Variants in SCIN observed in about 807,000 individuals in gnomAD.
SCIN encodes the protein scinderin, also known as adseverin.
In SCIN, 91 loss-of-function variants were observed where a neutral mutation model predicts 91.8. The observed-to-expected ratio is 0.99, with a 90% confidence interval of 0.84 to 1.18. The LOEUF is 1.18. Ranked by LOEUF, SCIN falls within the 50% of genes most tolerant of loss-of-function variation. The pLI, the probability that SCIN is intolerant of heterozygous loss-of-function variation, is 0.00. For missense variants in SCIN, 1,087 were observed against 863.9 expected, an observed-to-expected ratio of 1.26 and a Z score of -3.24; for synonymous variants, 367 against 312.6, an observed-to-expected ratio of 1.17 and a Z score of -1.84.
Position 12,651,554 on chromosome 7 carries a change from T to C in SCIN, c.1960-287T>C, listed in dbSNP as rs1784079423. ...AAAGTCCACCCAGACAATCTGTTTTTTTTTGTGAAAGATCACTTTACAAAC... is the reference window on the plus strand; with the variant it reads ...AAAGTCCACCCAGACAATCTGTTTTCTTTTGTGAAAGATCACTTTACAAAC... On this transcript the variant is annotated intron_variant, in intron 14 of 15. Transcript: ENST00000297029. This position sits in a 1 kb window ranked among gnomAD's most constrained non-coding sequence, Gnocchi z 5.9. Among the ~76,000 whole-genome samples, 1 of 152,068 alleles carries C rather than the reference T, an allele frequency of 6.6e-6. No homozygotes were observed. Among genetic ancestry groups the C allele is most frequent in the African/African-American group, 2.4e-5 (1 of 41,404 alleles).
At chr7:12,596,590 G>A (rs932868675) in intron 3 of SCIN, among the ~76,000 whole-genome samples, 4 of 152,088 alleles carry the variant, frequency 2.6e-5, no homozygotes, top group Admixed American at 6.5e-5. Flanking sequence ...GTAACAATAC[G>A]CATGAAGAAG....
At chr7:12,597,891 C>T (rs574361888) in intron 3 of SCIN, among the ~76,000 whole-genome samples, 4 of 152,154 alleles carry the variant, frequency 2.6e-5, no homozygotes, top group Non-Finnish European at 5.9e-5. Context: ...ACAATATGTA[C>T]ATCAGCTTTC....
intron 3 of SCIN, among the ~76,000 whole-genome samples, chr7:12,600,477 C>T (rs907382078): frequency 2.6e-5 from 4 of 152,230 alleles, no homozygotes; most frequent in Admixed American, 1.3e-4. Context: ...TAAATGCCAC[C>T]TGCTCCCCAG....
intron 10 of SCIN, among the ~76,000 whole-genome samples, chr7:12,637,438 G>A (rs1470558410): frequency 6.6e-6 from 1 of 152,104 alleles, no homozygotes; most frequent in Non-Finnish European, 1.5e-5. Flanking sequence ...AAGTGGTGGA[G>A]AGGGAGAAAG....
At chr7:12,593,241 GACTGACAGATAGCC>G (rs1386778161) in intron 3 of SCIN, among the ~76,000 whole-genome samples, 13 of 152,292 alleles carry the variant, frequency 8.5e-5, no homozygotes, top group Non-Finnish European at 1.5e-4. Flanking sequence ...ACTATGGCTA[GACTGACAGATAGCC>G]ACTGCTGGAA....
intron 3 of SCIN, among the ~76,000 whole-genome samples, chr7:12,602,105 G>A (rs1770746494): frequency 6.6e-6 from 1 of 152,152 alleles, no homozygotes; most frequent in African/African-American, 2.4e-5. Context: ...TTTTCCATAA[G>A]CATCAGCTGG....
intron 4 of SCIN, 42 bp from the exon 5 acceptor site, chr7:12,622,759 G>T: frequency 7.6e-7 from 1 of 1,313,856 alleles, no homozygotes; most frequent in South Asian, 1.2e-5. Flanking sequence ...ATCCTTCAAT[G>T]GGAGATCTTT....
At chr7:12,645,230 A>C (rs542236498) in intron 13 of SCIN, among the ~76,000 whole-genome samples, 2 of 151,774 alleles carry the variant, frequency 1.3e-5, no homozygotes, top group Admixed American at 1.3e-4. Flanking sequence ...GAGACAGGAG[A>C]ATCTCTTGAA....
At chr7:12,583,105 T>G (rs1782521953) in intron 3 of SCIN, among the ~76,000 whole-genome samples, 1 of 151,916 alleles carries the variant, frequency 6.6e-6, no homozygotes, top group African/African-American at 2.4e-5. Flanking sequence ...TTGAAAGTAT[T>G]TCTTTTCTTA....
At chr7:12,574,962 A>G (rs1420627082) in intron 1 of SCIN, among the ~76,000 whole-genome samples, 1 of 152,136 alleles carries the variant, frequency 6.6e-6, no homozygotes, top group Non-Finnish European at 1.5e-5. Context: ...GAGTCTTAAA[A>G]TCCATGAACA....
At chr7:12,594,454 A>G (rs1315576944) in intron 3 of SCIN, among the ~76,000 whole-genome samples, 3 of 152,216 alleles carry the variant, frequency 2.0e-5, no homozygotes, top group Non-Finnish European at 4.4e-5. Context: ...ACCATTTCTC[A>G]TTGCGATGGC....
intron 15 of SCIN, among the ~76,000 whole-genome samples, 174 bp from the exon 16 acceptor site, chr7:12,652,414 A>G (rs933054308): frequency 3.9e-5 from 6 of 152,230 alleles, no homozygotes; most frequent in Non-Finnish European, 8.8e-5. Context: ...ATGGAAATTT[A>G]TTACTTTGAT....
At position 12,581,149 on chromosome 7, in the gene SCIN, G is replaced by T; in HGVS notation, c.444G>T (p.Val148=). ...RLLHVKGRRV[V]RATEVPLSWD... Reference sequence around the variant, plus strand: ...TACATGTGAAGGGTCGTAGAGTGGTGAGAGCCACAGAAGTTCCCCTTAGCT... The same window carrying T: ...TACATGTGAAGGGTCGTAGAGTGGTTAGAGCCACAGAAGTTCCCCTTAGCT... The change falls in exon 3 of 16, where the codon GTG becomes GTT. Residue 148 remains valine (V), a synonymous_variant. Coordinates refer to ENST00000297029, the MANE Select transcript of SCIN (RefSeq NM_001112706.3). 6.4e-7 allele frequency: 1 copy of T among 1,551,496 alleles called. No homozygotes were observed.
chr7:12,571,295 G>A, intron 1 of SCIN: 1 of 421,558 alleles, frequency 2.4e-6, no homozygotes, highest in Non-Finnish European at 4.3e-6. Flanking sequence ...GTATCCAAAC[G>A]CCACTCTTGT....
chr7:12,585,796 C>G (rs373131289), intron 3 of SCIN, among the ~76,000 whole-genome samples: 1 of 152,214 alleles, frequency 6.6e-6, no homozygotes, highest in South Asian at 2.1e-4. Context: ...CAGTGCCTGA[C>G]ACATTCCTTC....
intron 4 of SCIN, among the ~76,000 whole-genome samples, chr7:12,619,297 G>A (rs1264056964): frequency 6.6e-6 from 1 of 152,058 alleles, no homozygotes; most frequent in African/African-American, 2.4e-5. Flanking sequence ...ATAAAGAAGG[G>A]AAACCACATC....
At chr7:12,586,826 G>C (rs139278216) in intron 3 of SCIN, among the ~76,000 whole-genome samples, 2 of 152,226 alleles carry the variant, frequency 1.3e-5, no homozygotes, top group Admixed American at 1.3e-4. Flanking sequence ...CAAGTCATGC[G>C]CAGAAAGATA....
chr7:12,630,208 G>A (rs758625715), intron 9 of SCIN, among the ~76,000 whole-genome samples: 12 of 151,856 alleles, frequency 7.9e-5, no homozygotes, highest in Admixed American at 4.6e-4. Context: ...GCCCAGTCAA[G>A]TTCAGGAGAT....
chr7:12,628,351 G>A (rs1242242735), intron 8 of SCIN, among the ~76,000 whole-genome samples: 1 of 152,160 alleles, frequency 6.6e-6, no homozygotes, highest in Non-Finnish European at 1.5e-5. Flanking sequence ...GCAGAAACAT[G>A]TATTTCTCAC....
Sources: allele counts gnomAD v4.1 joint callset (sites outside exome capture counted in the v4.1 genomes callset), GRCh38; gene constraint gnomAD v4.1.1; non-coding constraint Gnocchi (gnomAD v3.1); transcripts MANE v1.5; gene names NCBI Gene and HGNC (gene_info 2026-07-23, HGNC 2026-07-21).